SYN3: variants seen among roughly 807,000 people sequenced by gnomAD.
The protein encoded by SYN3 is synapsin-3.
In SYN3, 35 loss-of-function variants were observed where a neutral mutation model predicts 65.8. The observed-to-expected ratio is 0.53, with a 90% CI of 0.41 to 0.70. The LOEUF (loss-of-function observed/expected upper bound fraction) is 0.70, where lower values mean the gene tolerates loss of function less well. Among genes scored for constraint, SYN3 ranks in the 30% least tolerant of loss-of-function variants. The pLI is 0.00. For synonymous variants in SYN3, 270 were observed against 292.9 expected (o/e 0.92, Z 0.80); for missense variants, 680 against 749.0 (o/e 0.91, Z 1.08).
At chr22:32,734,487 T>A (rs2061311775) in intron 6 of SYN3, among the ~76,000 whole-genome samples, 1 of 145,434 alleles carries the variant, frequency 6.9e-6, no homozygotes, top group Admixed American at 6.9e-5. Context: ...GAATGGGTGA[T>A]GGAGGAGCAG....
chr22:32,687,656 G>A (rs1158978090), intron 6 of SYN3, among the ~76,000 whole-genome samples: 2 of 152,004 alleles, frequency 1.3e-5, no homozygotes, highest in South Asian at 2.1e-4. Flanking sequence ...CTCCACTCCC[G>A]CCTCCCTCTT....
intron 6 of SYN3, among the ~76,000 whole-genome samples, chr22:32,840,852 C>A (rs2047878612): frequency 6.6e-6 from 1 of 152,206 alleles, no homozygotes; most frequent in Non-Finnish European, 1.5e-5. Context: ...GCCTGCCTTA[C>A]TTGAGTGTCA....
intron 3 of SYN3, among the ~76,000 whole-genome samples, chr22:32,955,796 C>G (rs1363399463): frequency 2.0e-5 from 3 of 151,988 alleles, no homozygotes; most frequent in Non-Finnish European, 4.4e-5. Context: ...CACCCTTAAT[C>G]TGGGTGGGCA....
rs181386566 is a variant in SYN3 at position 32,722,799 on chromosome 22, T to C, written c.712-126063A>G. On this transcript the variant is annotated intron_variant, in intron 6 of 13. Transcript: ENST00000358763. ...GCTTTGGAGCTGTCAGCATTCCAGTTGGACCTTCCTTCTGGAGTCCCTCCC... is the reference window on the plus strand; with the variant it reads ...GCTTTGGAGCTGTCAGCATTCCAGTCGGACCTTCCTTCTGGAGTCCCTCCC... Among the ~76,000 whole-genome samples, 298 of 152,328 alleles carry C rather than the reference T, an allele frequency of 2.0e-3. 2 individuals carry two copies. The highest frequency in any genetic ancestry group is 6.9e-3 in the African/African-American group (288 of 41,570).
chr22:32,848,816 C>T (rs1029441010), intron 6 of SYN3, among the ~76,000 whole-genome samples: 10 of 152,214 alleles, frequency 6.6e-5, no homozygotes, highest in Non-Finnish European at 1.3e-4. Context: ...TTCTGTCTGG[C>T]TCCTGAGCCC....
chr22:32,970,779 A>T (rs2051996120), intron 3 of SYN3, among the ~76,000 whole-genome samples: 1 of 152,224 alleles, frequency 6.6e-6, no homozygotes, highest in African/African-American at 2.4e-5. Context: ...TACCCAGTAG[A>T]TCAAAAGAGT....
intron 3 of SYN3, among the ~76,000 whole-genome samples, chr22:32,938,912 G>T (rs548024437): frequency 7.1e-6 from 1 of 140,006 alleles, no homozygotes; most frequent in African/African-American, 2.7e-5. Context: ...TGGACAGCAG[G>T]GCAAGGCTTT....
chr22:32,845,390 C>G (rs928840252), intron 6 of SYN3, among the ~76,000 whole-genome samples: 11 of 151,976 alleles, frequency 7.2e-5, no homozygotes, highest in African/African-American at 2.7e-4. Flanking sequence ...TGGGGTTTCA[C>G]CATGCTGGCC....
intron 2 of SYN3, among the ~76,000 whole-genome samples, chr22:32,983,016 C>A (rs1375506770): frequency 6.6e-6 from 1 of 152,104 alleles, no homozygotes. Flanking sequence ...AAATTGGGGT[C>A]TTTATAGGTT....
At chr22:32,625,208 G>T (rs1251209551) in intron 6 of SYN3, among the ~76,000 whole-genome samples, 1 of 152,178 alleles carries the variant, frequency 6.6e-6, no homozygotes, top group Non-Finnish European at 1.5e-5. Flanking sequence ...GAATGTGGAC[G>T]GATTTCACTG....
chr22:33,027,995 A>G (rs2053667813), intron 1 of SYN3, among the ~76,000 whole-genome samples: 1 of 152,240 alleles, frequency 6.6e-6, no homozygotes, highest in Non-Finnish European at 1.5e-5. Context: ...GTGAAGGCTG[A>G]GGCACAGGGA....
intron 2 of SYN3, among the ~76,000 whole-genome samples, chr22:32,989,529 C>A (rs2145704474): frequency 6.6e-6 from 1 of 152,214 alleles, no homozygotes; most frequent in Non-Finnish European, 1.5e-5. Context: ...CAGCATAGGC[C>A]TTTAGGGTAA....
intron 7 of SYN3, among the ~76,000 whole-genome samples, chr22:32,553,573 G>A (rs1053288852): frequency 1.3e-5 from 2 of 152,196 alleles, no homozygotes; most frequent in Admixed American, 1.3e-4. Context: ...CCCAAAGTGT[G>A]CTATGAGAGA....
rs963061267 is a variant in SYN3 at position 32,680,543 on chromosome 22, G to C, written c.712-83807C>G. 2.9e-4 allele frequency among the ~76,000 whole-genome samples: 44 copies of C among 152,280 alleles called. 1 individual carries two copies. Among genetic ancestry groups the C allele is most frequent in the Middle Eastern group, 6.8e-3 (2 of 294 alleles). Reference sequence around the variant, plus strand: ...TGGCTGACAGCACTCTCACACCGTTGCTTGCACAGACTGGCCAACTGGTTT... The same window carrying C: ...TGGCTGACAGCACTCTCACACCGTTCCTTGCACAGACTGGCCAACTGGTTT... On this transcript the variant is annotated intron_variant, in intron 6 of 13. Coordinates refer to ENST00000358763, the MANE Select transcript of SYN3 (RefSeq NM_003490.4).
intron 10 of SYN3, chr22:32,530,316 C>A (rs1473616735): frequency 6.6e-6 from 1 of 152,222 alleles, no homozygotes; most frequent in Non-Finnish European, 1.5e-5. Flanking sequence ...GAGGATCTCT[C>A]ATAAACCTCA....
At chr22:32,708,246 C>T (rs1010986972) in intron 6 of SYN3, among the ~76,000 whole-genome samples, 23 of 152,320 alleles carry the variant, frequency 1.5e-4, no homozygotes, top group Middle Eastern at 3.4e-3. Context: ...TTATTACTGG[C>T]ATTGTTTAGA....
chr22:32,643,560 G>C (rs535424387), intron 6 of SYN3, among the ~76,000 whole-genome samples: 2 of 126,526 alleles, frequency 1.6e-5, no homozygotes, highest in Middle Eastern at 3.5e-3. Context: ...GGGGGGGCGG[G>C]GGGGGCAGAA....
intron 6 of SYN3, among the ~76,000 whole-genome samples, chr22:32,849,023 A>G (rs886908771): frequency 3.3e-5 from 5 of 152,174 alleles, no homozygotes; most frequent in African/African-American, 1.2e-4. Flanking sequence ...AAGAGCCCCA[A>G]ATGAGGTGGT....
chr22:32,799,369 G>C (rs1028902885), intron 6 of SYN3, among the ~76,000 whole-genome samples: 5 of 152,136 alleles, frequency 3.3e-5, no homozygotes, highest in African/African-American at 9.7e-5. Flanking sequence ...TTACTTTTCA[G>C]CTGGAAAAAA....
Sources: allele counts gnomAD v4.1 joint callset (sites outside exome capture counted in the v4.1 genomes callset), GRCh38; gene constraint gnomAD v4.1.1; transcripts MANE v1.5; gene names NCBI Gene and HGNC (gene_info 2026-07-23, HGNC 2026-07-21).